GALNTL6: variants seen among roughly 807,000 people sequenced by gnomAD.
GALNTL6 encodes the protein polypeptide N-acetylgalactosaminyltransferase-like 6.
GALNTL6 carries 46 observed loss-of-function variants against 73.7 expected under a neutral mutation model. That is an observed-to-expected ratio of 0.62 (90% CI 0.49 to 0.80). The LOEUF is 0.80. Among genes scored for constraint, GALNTL6 ranks in the 30% least tolerant of loss-of-function variants. The pLI, the probability that GALNTL6 is intolerant of heterozygous loss-of-function variation, is 0.00. For synonymous variants in GALNTL6, 259 were observed against 263.7 expected (o/e 0.98, Z 0.17); for missense variants, 604 against 755.0 (o/e 0.80, Z 2.34).
At chr4:172,241,634 G>A (rs979015136) in intron 3 of GALNTL6, among the ~76,000 whole-genome samples, 2 of 152,164 alleles carry the variant, frequency 1.3e-5, no homozygotes, top group African/African-American at 2.4e-5. Flanking sequence ...TGCAGGACCA[G>A]GAAGGCTTCC....
intron 8 of GALNTL6, among the ~76,000 whole-genome samples, chr4:172,926,659 A>C (rs1000953335): frequency 1.1e-4 from 16 of 152,156 alleles, no homozygotes; most frequent in Admixed American, 3.3e-4. Flanking sequence ...GTGCCAACAA[A>C]TTCCTATCTC....
chr4:171,863,759 C>A (rs2110882928), intron 2 of GALNTL6, among the ~76,000 whole-genome samples: 1 of 150,570 alleles, frequency 6.6e-6, no homozygotes, highest in South Asian at 2.1e-4. Context: ...AGAAAAGGAA[C>A]ACTTTTTTTT....
chr4:172,315,309 G>A lies in GALNTL6; in HGVS notation c.386+3557G>A, dbSNP rs1007851458. Reference sequence around the variant, plus strand: ...ATGGAGTTTCACTCTTGTTGCCCACGCTGGAATGCAATGGTGCAATCTCAG... The same window carrying A: ...ATGGAGTTTCACTCTTGTTGCCCACACTGGAATGCAATGGTGCAATCTCAG... On this transcript the variant is annotated intron_variant, in intron 4 of 12. Transcript: ENST00000506823. Among the ~76,000 whole-genome samples the A allele has an allele frequency of 2.6e-5, 4 of 152,088 alleles. No individual in the cohort carries two copies. In the East Asian group the frequency reaches 5.8e-4, roughly 22 times the overall value.
At chr4:172,029,802 G>A (rs1337522149) in intron 2 of GALNTL6, among the ~76,000 whole-genome samples, 2 of 151,998 alleles carry the variant, frequency 1.3e-5, no homozygotes, top group Non-Finnish European at 2.9e-5. Flanking sequence ...ATGAACTCTA[G>A]CATGGTGGCT....
chr4:172,179,526 G>T (rs937748656), intron 2 of GALNTL6, among the ~76,000 whole-genome samples: 5 of 141,256 alleles, frequency 3.5e-5, no homozygotes, highest in South Asian at 2.2e-4. Flanking sequence ...TTGTAAATTT[G>T]TTGGAGTTCA....
At chr4:172,261,366 C>T (rs1009904937) in intron 3 of GALNTL6, among the ~76,000 whole-genome samples, 3 of 151,488 alleles carry the variant, frequency 2.0e-5, no homozygotes, top group African/African-American at 4.8e-5. Flanking sequence ...TTATCCATCT[C>T]CTCTAGATTT....
At chr4:172,147,507 T>C (rs6553610) in intron 2 of GALNTL6, among the ~76,000 whole-genome samples, 67,560 of 152,050 alleles carry the variant, frequency 0.44, 15,671 homozygotes, top group African/African-American at 0.56. Flanking sequence ...TAACGTGTGT[T>C]ACATTTTTTA....
At chr4:172,921,621 C>T (rs1014642300) in intron 8 of GALNTL6, among the ~76,000 whole-genome samples, 4 of 151,888 alleles carry the variant, frequency 2.6e-5, no homozygotes, top group Non-Finnish European at 5.9e-5. Context: ...CATGGTGAAA[C>T]CTGTCTCTAC....
intron 8 of GALNTL6, among the ~76,000 whole-genome samples, chr4:172,923,283 A>T: frequency 6.6e-6 from 1 of 152,160 alleles, no homozygotes; most frequent in East Asian, 1.9e-4. Flanking sequence ...GTCACATCTT[A>T]CATGGTGGCA....
intron 2 of GALNTL6, among the ~76,000 whole-genome samples, chr4:171,911,019 A>T (rs1252620182): frequency 6.6e-6 from 1 of 152,188 alleles, no homozygotes; most frequent in Non-Finnish European, 1.5e-5. Flanking sequence ...TAATTCAAAG[A>T]GTAAAGGTAC....
At chr4:172,461,093 C>A (rs1362869975) in intron 5 of GALNTL6, among the ~76,000 whole-genome samples, 1 of 152,096 alleles carries the variant, frequency 6.6e-6, no homozygotes, top group African/African-American at 2.4e-5. Flanking sequence ...TGGAAACCAT[C>A]ATTCTCAGCA....
chr4:172,213,176 T>C (rs1441583985), intron 2 of GALNTL6, among the ~76,000 whole-genome samples: 1 of 152,248 alleles, frequency 6.6e-6, no homozygotes, highest in Non-Finnish European at 1.5e-5. Context: ...CCAATTCATT[T>C]ATCCACTTGC....
chr4:171,848,840 G>A (rs556190465), intron 2 of GALNTL6, among the ~76,000 whole-genome samples: 26 of 152,148 alleles, frequency 1.7e-4, no homozygotes, highest in Non-Finnish European at 2.8e-4. Context: ...AACTTTCTCC[G>A]TATCAGCAAT....
intron 5 of GALNTL6, among the ~76,000 whole-genome samples, chr4:172,417,158 C>T (rs1478811568): frequency 6.6e-6 from 1 of 151,460 alleles, no homozygotes; most frequent in Non-Finnish European, 1.5e-5. Context: ...CTCTGATTCT[C>T]CTTCTGTTGC....
At chr4:172,624,606 C>T (rs1162408623) in intron 5 of GALNTL6, among the ~76,000 whole-genome samples, 2 of 151,974 alleles carry the variant, frequency 1.3e-5, no homozygotes, top group Non-Finnish European at 1.5e-5. Context: ...TATGAAAAGG[C>T]ATTTTTTACA....
At chr4:172,738,083 C>G (rs978406383) in intron 5 of GALNTL6, among the ~76,000 whole-genome samples, 3 of 152,202 alleles carry the variant, frequency 2.0e-5, no homozygotes, top group Admixed American at 6.5e-5. Flanking sequence ...AGATAGTTTT[C>G]CCTTCAGGCA....
chr4:172,376,446 G>A (rs79173293), intron 5 of GALNTL6, among the ~76,000 whole-genome samples: 14,832 of 152,052 alleles, frequency 0.098, 805 homozygotes, highest in East Asian at 0.18. Flanking sequence ...GTCGACCCTC[G>A]ACTCAGCCCA....
chr4:172,580,506 GA>G, intron 5 of GALNTL6, among the ~76,000 whole-genome samples: 1 of 152,130 alleles, frequency 6.6e-6, no homozygotes, highest in East Asian at 1.9e-4. Flanking sequence ...GTAAAACACA[GA>G]AAAATTTATA....
At chr4:173,020,794 C>T (rs1226544015) in intron 11 of GALNTL6, among the ~76,000 whole-genome samples, 3 of 152,190 alleles carry the variant, frequency 2.0e-5, no homozygotes, top group Non-Finnish European at 4.4e-5. Flanking sequence ...ACTTTCTGGC[C>T]AGGCACAGTG....
Sources: allele counts gnomAD v4.1 joint callset (sites outside exome capture counted in the v4.1 genomes callset), GRCh38; gene constraint gnomAD v4.1.1; transcripts MANE v1.5; gene names NCBI Gene and HGNC (gene_info 2026-07-23, HGNC 2026-07-21).